The following ETNK2 variants were observed in gnomAD, a reference collection of about 807,000 sequenced individuals.
The protein encoded by ETNK2 is ethanolamine kinase-like protein.
A neutral mutation model predicts 46.2 loss-of-function variants in ETNK2; 33 were observed. The observed-to-expected ratio is 0.71, with a 90% CI of 0.54 to 0.96. The LOEUF is 0.96. Among genes scored for constraint, ETNK2 ranks in the 40% least tolerant of loss-of-function variants. The pLI is 0.00. For missense variants in ETNK2, 445 were observed against 509.7 expected (o/e 0.87, Z 1.22); for synonymous variants, 194 against 209.0 (o/e 0.93, Z 0.62).
chr1:204,133,880 A>C (rs142383525), intron 7 of ETNK2, among the ~76,000 whole-genome samples: 1 of 152,180 alleles, frequency 6.6e-6, no homozygotes, highest in Non-Finnish European at 1.5e-5. Context: ...ACACTTTGAA[A>C]CCAGGGTAGT....
intron 6 of ETNK2, 92 bp from the exon 7 acceptor site, chr1:204,134,680 C>T (rs752834882): frequency 2.5e-6 from 4 of 1,613,608 alleles, no homozygotes; most frequent in Non-Finnish European, 3.4e-6. Context: ...TTGTGGAAGA[C>T]ACACAGCTAG....
chr1:204,144,501 T>A (rs1290591522), intron 3 of ETNK2, among the ~76,000 whole-genome samples: 15 of 152,178 alleles, frequency 9.9e-5, no homozygotes, highest in East Asian at 7.7e-4. Context: ...CACTCCCAAC[T>A]GGTCTTCCTA....
chr1:204,151,825 G>T lies in ETNK2; in HGVS notation c.28C>A (p.Pro10Thr), dbSNP rs772697570. 279 of 1,473,798 alleles carry T rather than the reference G, an allele frequency of 1.9e-4. No homozygotes were observed. The highest frequency in any genetic ancestry group is 1.1e-3 in the Middle Eastern group (6 of 5,624). The allele number at this position is 1,473,798 out of a possible 1,614,324, so 91.3% of individuals were successfully genotyped here. A position where few individuals can be genotyped will look rare whatever the true frequency, so the allele number is the denominator to read the frequency against. Residue 10 changes from proline (P) to threonine (T), a missense_variant, in exon 1 of 8, where the codon CCG (proline) becomes ACG (threonine). Physicochemically the swap from Pro to Thr is conservative, Grantham distance 38 (BLOSUM62 -1). Transcript: ENST00000367202. The surrounding 1 kb of genome is among the most constrained non-coding windows in gnomAD (Gnocchi z 8.0). ...CTCCTCAGGTGAAAGGACGCGCGCGGCTGAGGGGCCGAAGGGGGCACAGCC... is the reference window on the plus strand; with the variant it reads ...CTCCTCAGGTGAAAGGACGCGCGCGTCTGAGGGGCCGAAGGGGGCACAGCC... MAVPPSAPQPRASFHLRRHT... is the reference protein window; with the variant it reads MAVPPSAPQTRASFHLRRHT...
At chr1:204,135,378 G>A (rs1402152970) in intron 6 of ETNK2, among the ~76,000 whole-genome samples, 3 of 151,990 alleles carry the variant, frequency 2.0e-5, no homozygotes, top group Admixed American at 6.6e-5. Flanking sequence ...GTGACAGGCA[G>A]GTTACCTATA....
chr1:204,137,005 T>A, intron 6 of ETNK2, 99 bp downstream of exon 6: 1 of 1,497,918 alleles, frequency 6.7e-7, no homozygotes, highest in Non-Finnish European at 9.1e-7. Context: ...CCCCAGGCTC[T>A]CACCTGACCC....
chr1:204,150,299 T>C (rs1021201058), intron 1 of ETNK2, among the ~76,000 whole-genome samples: 1 of 152,072 alleles, frequency 6.6e-6, no homozygotes, highest in Non-Finnish European at 1.5e-5. Context: ...TCCACCCCAG[T>C]ACGGAAAGAA....
chr1:204,135,160 C>T (rs1196359625), intron 6 of ETNK2, among the ~76,000 whole-genome samples: 1 of 152,130 alleles, frequency 6.6e-6, no homozygotes, highest in Non-Finnish European at 1.5e-5. Flanking sequence ...GGAAAATGAA[C>T]CTAGATATGG....
At chr1:204,147,678 C>T (rs1657843935) in intron 2 of ETNK2, 12 of 446,414 alleles carry the variant, frequency 2.7e-5, no homozygotes, top group South Asian at 1.9e-4. Flanking sequence ...TGTTTGAAAC[C>T]TTGTTACCAA....
At chr1:204,133,368 C>T (rs1280241527) in intron 7 of ETNK2, among the ~76,000 whole-genome samples, 1 of 152,070 alleles carries the variant, frequency 6.6e-6, no homozygotes, top group Non-Finnish European at 1.5e-5. Context: ...TACATTCCTA[C>T]CAATGGTGCA....
In ETNK2 at chr1:204,151,533, C is replaced by T; in HGVS notation, c.258+62G>A. The T allele has an allele frequency of 6.5e-7, 1 of 1,541,522 alleles. No homozygotes were observed. Among genetic ancestry groups the T allele is most frequent in the Non-Finnish European group, 8.7e-7 (1 of 1,143,774 alleles). ...ACCCGGAAGGATGCGAGGACTGGGT[C>T]CCCGCATCCCCCTGGCAGCCCTGGC... On this transcript the variant is annotated intron_variant, in intron 1 of 7. Transcript: ENST00000367202. This position sits in a 1 kb window ranked among gnomAD's most constrained non-coding sequence, Gnocchi z 8.0.
rs1657160328 is a variant in ETNK2 at position 204,133,575 on chromosome 1, A to G, written c.1088+940T>C. ...GAGACGGAGTCTCGCTCTGTCGCCC[A>G]GGCTGGAGTGCAGTGGCGGGATCTC... On this transcript the variant is annotated intron_variant, in intron 7 of 7. Coordinates refer to ENST00000367202, the MANE Select transcript of ETNK2 (RefSeq NM_018208.4). Among the ~76,000 whole-genome samples, 8 of 148,170 alleles carry G rather than the reference A, an allele frequency of 5.4e-5. No homozygotes were observed. In the Admixed American group the frequency reaches 5.4e-4, roughly 10 times the overall value.
chr1:204,137,689 A>T (rs572515202), intron 5 of ETNK2, among the ~76,000 whole-genome samples: 1 of 152,290 alleles, frequency 6.6e-6, no homozygotes, highest in Non-Finnish European at 1.5e-5. Flanking sequence ...CACTGGCCGA[A>T]ATTTCTTCAT....
At chr1:204,150,375 C>G (rs1398101713) in intron 1 of ETNK2, 2 of 239,488 alleles carry the variant, frequency 8.4e-6, no homozygotes, top group African/African-American at 4.4e-5. Flanking sequence ...TCCTGACCAG[C>G]TGCCAATCAC....
chr1:204,142,188 T>C (rs1657578460), intron 3 of ETNK2: 1 of 152,256 alleles, frequency 6.6e-6, no homozygotes, highest in Non-Finnish European at 1.5e-5. Flanking sequence ...CAAAGGAACA[T>C]TAAAGCCTTC....
chr1:204,151,886 G>A lies in ETNK2; in HGVS notation c.-34C>T. 1 of 1,415,434 alleles carries A rather than the reference G, an allele frequency of 7.1e-7. No homozygotes were observed. The highest frequency in any genetic ancestry group is 9.2e-7 in the Non-Finnish European group (1 of 1,091,254). 87.7% of individuals were successfully genotyped at this position (1,415,434 alleles called of 1,614,324 possible). A position where few individuals can be genotyped will look rare whatever the true frequency, so the allele number is the denominator to read the frequency against. On this transcript the variant is annotated 5_prime_UTR_variant, in exon 1 of 8. Transcript: ENST00000367202. This position sits in a 1 kb window ranked among gnomAD's most constrained non-coding sequence, Gnocchi z 8.0. ...GCCCCACCCCCTCGGAGCCGCGGCAGACGCTAGCCCCGGCGGGGGGGTCCG... is the reference window on the plus strand; with the variant it reads ...GCCCCACCCCCTCGGAGCCGCGGCAAACGCTAGCCCCGGCGGGGGGGTCCG...
In ETNK2 at chr1:204,151,921, T is replaced by A. The variant is rs952920992; in HGVS notation, c.-69A>T. Reference sequence around the variant, plus strand: ...CCGGCGGGGGGGTCCGGCGAGGGAGTGGGAGTGGTAGAGGAGGGGCCAGGG... The same window carrying A: ...CCGGCGGGGGGGTCCGGCGAGGGAGAGGGAGTGGTAGAGGAGGGGCCAGGG... On this transcript the variant is annotated 5_prime_UTR_variant, in exon 1 of 8. Coordinates refer to ENST00000367202, the MANE Select transcript of ETNK2 (RefSeq NM_018208.4). The surrounding 1 kb of genome is among the most constrained non-coding windows in gnomAD (Gnocchi z 8.0). The A allele has an allele frequency of 7.2e-6, 10 of 1,390,354 alleles. No homozygotes were observed. Among genetic ancestry groups the A allele is most frequent in the Non-Finnish European group, 8.3e-6 (9 of 1,077,928 alleles). The allele number at this position is 1,390,354 out of a possible 1,614,324, so 86.1% of individuals were successfully genotyped here.
intron 6 of ETNK2, among the ~76,000 whole-genome samples, chr1:204,135,762 G>A (rs1221011544): frequency 6.6e-6 from 1 of 152,256 alleles, no homozygotes; most frequent in African/African-American, 2.4e-5. Flanking sequence ...TTTTGTGCCA[G>A]TGAGGAAAAC....
At chr1:204,141,004 T>G (rs1265911585) in intron 4 of ETNK2, 2 of 401,502 alleles carry the variant, frequency 5.0e-6, no homozygotes, top group Non-Finnish European at 9.5e-6. Context: ...GTGTATTTTT[T>G]TTGTAGAGAC....
chr1:204,148,262 T>G (rs1233749304), intron 2 of ETNK2, among the ~76,000 whole-genome samples: 1 of 152,130 alleles, frequency 6.6e-6, no homozygotes, highest in Non-Finnish European at 1.5e-5. Flanking sequence ...GTCACGTTCT[T>G]CTTCTTATGG....
Sources: gnomAD v4.1 joint callset for allele counts (sites outside exome capture counted in the v4.1 genomes callset) on GRCh38, gnomAD v4.1.1 for gene constraint, Gnocchi (gnomAD v3.1) non-coding constraint, MANE v1.5 for transcripts, NCBI Gene and HGNC (gene_info 2026-07-23, HGNC 2026-07-21) for gene names.